CLCN5: variants seen among roughly 807,000 people sequenced by gnomAD.
CLCN5 encodes the protein Cl-/H+ antiporter 5.
In CLCN5, 17 loss-of-function variants were observed where a neutral mutation model predicts 54.0. The ratio of observed to expected loss-of-function variants is 0.31; its 90% CI spans 0.22 to 0.47. The LOEUF is 0.47. Ranked by LOEUF, CLCN5 falls within the 20% of genes least tolerant of loss-of-function variation. The pLI, the probability that CLCN5 is intolerant of heterozygous loss-of-function variation, is 1.00. For synonymous variants in CLCN5, 222 were observed against 233.0 expected (o/e 0.95, Z 0.43); for missense variants, 448 against 646.7 (o/e 0.69, Z 3.33).
At chrX:49,944,608 G>A (rs1292737001) in intron 3 of CLCN5, among the ~76,000 whole-genome samples, 1 of 111,847 alleles carries the variant, frequency 8.9e-6, no homozygotes, top group East Asian at 2.8e-4. Flanking sequence ...AGAGTTTTTA[G>A]CATGAAGGTT....
chrX:49,994,900 C>T (rs782136583), intron 3 of CLCN5, among the ~76,000 whole-genome samples: 4 of 112,088 alleles, frequency 3.6e-5, no homozygotes, highest in Non-Finnish European at 5.6e-5. Flanking sequence ...AACTAAGATG[C>T]AGAAACATTA....
intron 3 of CLCN5, among the ~76,000 whole-genome samples, chrX:49,934,492 C>T (rs1454811527): frequency 5.4e-5 from 6 of 111,208 alleles, no homozygotes; most frequent in African/African-American, 2.0e-4. Context: ...GACCCATGGT[C>T]AGGCCAAAGA....
At chrX:50,062,976 A>G (rs1932885400) in intron 4 of CLCN5, among the ~76,000 whole-genome samples, 1 of 110,468 alleles carries the variant, frequency 9.1e-6, no homozygotes, top group South Asian at 3.8e-4. Context: ...CAAAGACACA[A>G]CATACCAGAA....
chrX:50,036,543 T>C (rs966705505), intron 3 of CLCN5, among the ~76,000 whole-genome samples: 1 of 112,077 alleles, frequency 8.9e-6, no homozygotes, highest in African/African-American at 3.2e-5. Context: ...CTTCATCTTA[T>C]AGTGTCATTA....
At chrX:50,026,186 C>T (rs1367952372) in intron 3 of CLCN5, among the ~76,000 whole-genome samples, 2 of 111,664 alleles carry the variant, frequency 1.8e-5, no homozygotes, top group African/African-American at 6.5e-5. Context: ...AGTTTTCAAG[C>T]TTTGTCTTAA....
intron 3 of CLCN5, among the ~76,000 whole-genome samples, chrX:49,950,585 A>G (rs1382271334): frequency 8.9e-6 from 1 of 111,983 alleles, no homozygotes; most frequent in Non-Finnish European, 1.9e-5. Flanking sequence ...GTATGAATTG[A>G]GATATACTGT....
chrX:50,080,507 T>C, intron 7 of CLCN5, 87 bp from the exon 8 acceptor site: 1 of 884,610 alleles, frequency 1.1e-6, no homozygotes, highest in Non-Finnish European at 1.6e-6. Context: ...TTGGACTTTT[T>C]TTCCTGAAAA....
At chrX:49,966,402 TG>T (rs1462104774) in intron 3 of CLCN5, among the ~76,000 whole-genome samples, 1 of 109,377 alleles carries the variant, frequency 9.1e-6, no homozygotes, top group East Asian at 2.9e-4. Context: ...TCTGTAGAGA[TG>T]TCCCCTCTCA....
chrX:50,026,848 C>A (rs1032727841), intron 3 of CLCN5, among the ~76,000 whole-genome samples: 7 of 111,184 alleles, frequency 6.3e-5, no homozygotes, highest in Admixed American at 2.9e-4. Context: ...CTTTGATTTT[C>A]TGCAGTTTGG....
intron 3 of CLCN5, among the ~76,000 whole-genome samples, chrX:49,962,683 C>T (rs985602493): frequency 8.9e-6 from 1 of 111,858 alleles, no homozygotes; most frequent in African/African-American, 3.2e-5. Flanking sequence ...AGACTACAGG[C>T]TTGTCCTTGG....
At chrX:50,005,517 G>A (rs781922689) in intron 3 of CLCN5, among the ~76,000 whole-genome samples, 23 of 111,925 alleles carry the variant, frequency 2.1e-4, no homozygotes, top group African/African-American at 6.2e-4. Context: ...TAGGATAAAT[G>A]TTTGGTTCTC....
At chrX:49,997,815 C>T (rs782219862) in intron 3 of CLCN5, among the ~76,000 whole-genome samples, 1 of 110,586 alleles carries the variant, frequency 9.0e-6, no homozygotes, top group East Asian at 2.9e-4. Flanking sequence ...GCCACCATGC[C>T]TGGCCAATAA....
At chrX:49,982,882 T>C (rs1928811943) in intron 3 of CLCN5, among the ~76,000 whole-genome samples, 1 of 112,094 alleles carries the variant, frequency 8.9e-6, no homozygotes, top group Non-Finnish European at 1.9e-5. Context: ...TTCATTTCCA[T>C]GTATTAGTGT....
At chrX:49,988,678 G>A (rs1929096561) in intron 3 of CLCN5, among the ~76,000 whole-genome samples, 3 of 111,898 alleles carry the variant, frequency 2.7e-5, no homozygotes, top group Admixed American at 9.4e-5. Flanking sequence ...AAAATCATTA[G>A]AAGAAGAAAA....
chrX:50,014,856 T>C (rs1222869096), intron 3 of CLCN5, among the ~76,000 whole-genome samples: 1 of 111,122 alleles, frequency 9.0e-6, no homozygotes, highest in Non-Finnish European at 1.9e-5. Context: ...TTAAATAATG[T>C]CCATGTATGC....
chrX:50,090,058 T>TA (rs1934034225), intron 12 of CLCN5, 58 bp from the exon 13 acceptor site: 1 of 1,159,256 alleles, frequency 8.6e-7, no homozygotes, highest in African/African-American at 1.8e-5. Flanking sequence ...GAAAGGCCCA[T>TA]AATTGTAAGA....
chrX:50,083,714 AAAC>A (rs1933788137), intron 9 of CLCN5, among the ~76,000 whole-genome samples: 1 of 112,196 alleles, frequency 8.9e-6, no homozygotes, highest in Non-Finnish European at 1.9e-5. Context: ...TAGAATCATA[AAAC>A]AAATGCAGTA....
At position 50,090,491 on chromosome X, in the gene CLCN5, G is replaced by A. The variant is rs1373322324; in HGVS notation, c.2120G>A (p.Arg707Gln). ...CAAAGACTTGTGGGCTTTGTCCTCCGAAGAGATCTCATTATTTCAATTGGT... is the reference window on the plus strand; with the variant it reads ...CAAAGACTTGTGGGCTTTGTCCTCCAAAGAGATCTCATTATTTCAATTGGT... ...ESQRLVGFVLRRDLIISIENA... is the reference protein window; with the variant it reads ...ESQRLVGFVLQRDLIISIENA... Residue 707 changes from arginine (R) to glutamine (Q), a missense_variant, in exon 13 of 15, where the codon CGA becomes CAA. By Grantham distance (43) the Arg-to-Gln change is conservative (BLOSUM62 1). This residue lies in a region of CLCN5 where 297 missense variants were observed against 470.4 expected (regional missense o/e 0.63). Coordinates refer to ENST00000376091, the MANE Select transcript of CLCN5 (RefSeq NM_001127898.4). The A allele has an allele frequency of 1.7e-6, 2 of 1,207,267 alleles. No homozygotes were observed. Among genetic ancestry groups the A allele is most frequent in the Non-Finnish European group, 2.2e-6 (2 of 893,299 alleles).
chrX:50,033,337 A>G (rs1557186130), intron 3 of CLCN5, among the ~76,000 whole-genome samples: 1 of 111,767 alleles, frequency 8.9e-6, no homozygotes, highest in Non-Finnish European at 1.9e-5. Context: ...ATACAAAATC[A>G]ATGTACAAAA....
Sources: gnomAD v4.1 joint callset for allele counts (sites outside exome capture counted in the v4.1 genomes callset) on GRCh38, gnomAD v4.1.1 for gene constraint, gnomAD v4.1.1 regional missense constraint, MANE v1.5 for transcripts, NCBI Gene and HGNC (gene_info 2026-07-23, HGNC 2026-07-21) for gene names.